The following GFRA1 variants were observed in gnomAD, a reference collection of about 807,000 sequenced individuals.
GFRA1 encodes GDNF family receptor alpha-1.
GFRA1 carries 16 observed loss-of-function variants against 51.6 expected under a neutral mutation model. The ratio of observed to expected loss-of-function variants is 0.31; its 90% confidence interval spans 0.21 to 0.47. The LOEUF (loss-of-function observed/expected upper bound fraction) is 0.47. Among genes scored for constraint, GFRA1 ranks in the 20% least tolerant of loss-of-function variants. GFRA1 has a pLI of 1.00. For synonymous variants in GFRA1, 270 were observed against 241.3 expected, an observed-to-expected ratio of 1.12 and a Z score of -1.10; for missense variants, 530 against 594.3, an observed-to-expected ratio of 0.89 and a Z score of 1.13.
At chr10:116,235,056 T>A (rs1487569941) in intron 4 of GFRA1, among the ~76,000 whole-genome samples, 1 of 152,130 alleles carries the variant, frequency 6.6e-6, no homozygotes, top group African/African-American at 2.4e-5. Context: ...GAACTGTGAG[T>A]CAATTAAATC....
At chr10:116,093,590 G>A (rs1956444545) in intron 8 of GFRA1, 112 bp downstream of exon 8, 2 of 910,188 alleles carry the variant, frequency 2.2e-6, no homozygotes, top group Admixed American at 1.8e-5. Context: ...CAAGGTACAA[G>A]AGGTACAGGC....
chr10:116,220,332 C>T (rs1226248219), intron 4 of GFRA1, among the ~76,000 whole-genome samples: 2 of 152,210 alleles, frequency 1.3e-5, no homozygotes, highest in Non-Finnish European at 2.9e-5. Flanking sequence ...GCTTTTTCAT[C>T]TCCATTTCCA....
chr10:116,185,224 T>A (rs79156891), intron 5 of GFRA1, among the ~76,000 whole-genome samples: 12 of 151,744 alleles, frequency 7.9e-5, no homozygotes, highest in African/African-American at 2.7e-4. Context: ...CCTAACTTTG[T>A]GATATTGGAT....
At position 116,271,103 on chromosome 10, in the gene GFRA1, G is replaced by A. The variant is rs1397981595; in HGVS notation, c.53C>T (p.Ser18Leu). 2 of 1,606,078 alleles carry A rather than the reference G, an allele frequency of 1.2e-6. No individual in the cohort carries two copies. The highest frequency in any genetic ancestry group is 2.2e-5 in the East Asian group (1 of 44,588). ...FALPLLDLLL[S>L]AEVSGGDRLD... ...GCGGTCTCCGCCGCTCACTTCGGCC[G>A]ACAGGAGCAAGTCTGCGGGGCAGAG... The change falls in exon 3 of 11, where the codon TCG (serine) becomes TTG (leucine). Residue 18 changes from serine to leucine, a missense_variant. Coordinates refer to ENST00000355422, the MANE Select transcript of GFRA1 (RefSeq NM_005264.8).
At chr10:116,262,838 C>T (rs993485932) in intron 4 of GFRA1, among the ~76,000 whole-genome samples, 4 of 152,108 alleles carry the variant, frequency 2.6e-5, no homozygotes, top group African/African-American at 7.2e-5. Flanking sequence ...TAATTCTTGC[C>T]GCTATGAGGG....
chr10:116,089,752 C>A lies in GFRA1; in HGVS notation c.1186G>T (p.Ala396Ser). Reference sequence around the variant, plus strand: ...GACGCAGTTCTCACCTGTAAATTTGCACACGGTGGCAAAACATGAGTGGGA... The same window carrying A: ...GACGCAGTTCTCACCTGTAAATTTGAACACGGTGGCAAAACATGAGTGGGA... ...EIPTHVLPPC[A>S]NLQAQKLKSN... is the part of the protein sequence containing the mutation. Residue 396 changes from alanine (A) to serine (S), a missense_variant, in exon 9 of 11, where the codon GCA (alanine) becomes TCA (serine). Coordinates refer to ENST00000355422, the MANE Select transcript of GFRA1 (RefSeq NM_005264.8). The A allele has an allele frequency of 6.2e-7, 1 of 1,614,030 alleles. No individual in the cohort carries two copies. Among genetic ancestry groups the A allele is most frequent in the Non-Finnish European group, 8.5e-7 (1 of 1,179,960 alleles).
chr10:116,269,076 AG>A (rs1969887622), intron 4 of GFRA1, among the ~76,000 whole-genome samples: 4 of 152,222 alleles, frequency 2.6e-5, no homozygotes, highest in Admixed American at 2.6e-4. Context: ...CAACAATCTA[AG>A]ATTATCTTTG....
intron 4 of GFRA1, among the ~76,000 whole-genome samples, chr10:116,267,595 G>A (rs1049385400): frequency 6.6e-6 from 1 of 152,114 alleles, no homozygotes; most frequent in South Asian, 2.1e-4. Context: ...ACCCTTCCAG[G>A]CATCAGTACA....
At chr10:116,140,170 G>C (rs1025891709) in intron 5 of GFRA1, among the ~76,000 whole-genome samples, 29 of 152,166 alleles carry the variant, frequency 1.9e-4, no homozygotes, top group Admixed American at 1.7e-3. Flanking sequence ...GGTGGAAGAG[G>C]GGACTGGCTT....
chr10:116,177,846 C>T (rs941213856), intron 5 of GFRA1, among the ~76,000 whole-genome samples: 5 of 152,140 alleles, frequency 3.3e-5, no homozygotes, highest in Admixed American at 3.3e-4. Flanking sequence ...CCAAGTGTCC[C>T]AGCACCTGAG....
chr10:116,193,109 G>T (rs897483707), intron 5 of GFRA1, among the ~76,000 whole-genome samples: 6 of 152,102 alleles, frequency 3.9e-5, no homozygotes, highest in Non-Finnish European at 8.8e-5. Flanking sequence ...TACTAAAGTG[G>T]CCTGGAAAAA....
At position 116,272,306 on chromosome 10, in the gene GFRA1, G is replaced by C; in HGVS notation, c.-246-31C>G. ...AGGGAGGGCGCGCTTTGAGATGAGA[G>C]CGGAGAGCGCCGGAGACTCCCCCCA... On this transcript the variant is annotated intron_variant, in intron 1 of 10. Coordinates refer to ENST00000355422, the MANE Select transcript of GFRA1 (RefSeq NM_005264.8). The surrounding 1 kb of genome is among the most constrained non-coding windows in gnomAD (Gnocchi z 4.4). The C allele has an allele frequency of 1.8e-6, 1 of 556,668 alleles. No homozygotes were observed. The highest frequency in any genetic ancestry group is 3.2e-6 in the Non-Finnish European group (1 of 310,004). The allele number at this position is 556,668 out of a possible 1,614,324, so 34.5% of individuals were successfully genotyped here. A position where few individuals can be genotyped will look rare whatever the true frequency, so the allele number is the denominator to read the frequency against.
At chr10:116,125,648 G>T in intron 5 of GFRA1, 91 bp from the exon 6 acceptor site, 1 of 1,004,334 alleles carries the variant, frequency 1.0e-6, no homozygotes, top group Non-Finnish European at 1.5e-6. Flanking sequence ...CCATTTATCT[G>T]GCATTGCCAG....
chr10:116,235,204 G>A (rs12772377), intron 4 of GFRA1, among the ~76,000 whole-genome samples: 84,305 of 151,926 alleles, frequency 0.55, 23,449 homozygotes, highest in East Asian at 0.58. Flanking sequence ...TATCCCTGAA[G>A]CTAGTTTGCC....
intron 4 of GFRA1, among the ~76,000 whole-genome samples, chr10:116,212,311 G>A (rs1434563556): frequency 6.6e-6 from 1 of 152,008 alleles, no homozygotes; most frequent in Non-Finnish European, 1.5e-5. Flanking sequence ...CCTGAGGTCA[G>A]GAGTTCAAGA....
intron 4 of GFRA1, among the ~76,000 whole-genome samples, chr10:116,216,222 C>T (rs1290479409): frequency 2.0e-5 from 3 of 152,158 alleles, no homozygotes; most frequent in African/African-American, 4.8e-5. Context: ...TTCTTGAGTG[C>T]TACTCATCCA....
intron 4 of GFRA1, among the ~76,000 whole-genome samples, chr10:116,247,965 G>A (rs965073971): frequency 2.6e-5 from 4 of 152,150 alleles, no homozygotes; most frequent in Non-Finnish European, 5.9e-5. Flanking sequence ...AGCTTTCCCT[G>A]TAATAGTTTC....
intron 4 of GFRA1, among the ~76,000 whole-genome samples, chr10:116,230,585 G>T (rs376785758): frequency 1.9e-4 from 29 of 151,914 alleles, no homozygotes; most frequent in African/African-American, 6.8e-4. Flanking sequence ...GTGTAGGGAA[G>T]AGTTCTCAAT....
intron 4 of GFRA1, among the ~76,000 whole-genome samples, chr10:116,214,813 A>G (rs946060633): frequency 2.1e-4 from 32 of 152,322 alleles, no homozygotes; most frequent in African/African-American, 7.5e-4. Context: ...GTATCAGTGG[A>G]CAGGGAGGAT....
Sources: gnomAD v4.1 joint callset for allele counts (sites outside exome capture counted in the v4.1 genomes callset) on GRCh38, gnomAD v4.1.1 for gene constraint, Gnocchi (gnomAD v3.1) non-coding constraint, MANE v1.5 for transcripts, NCBI Gene and HGNC (gene_info 2026-07-23, HGNC 2026-07-21) for gene names.